Variants in FOCAD observed in about 807,000 individuals in gnomAD.
FOCAD encodes focadhesin, also known as KIAA1797.
In FOCAD, 198 loss-of-function variants were observed where a neutral mutation model predicts 225.6. The observed-to-expected ratio is 0.88, with a 90% confidence interval of 0.78 to 0.99. FOCAD has a LOEUF of 0.99. FOCAD is among the 50% of genes least tolerant of loss of function. The pLI is 0.00. For missense variants in FOCAD, 2,713 were observed against 2,123.6 expected (o/e 1.28, Z -5.46); for synonymous variants, 897 against 755.0 (o/e 1.19, Z -3.08).
At chr9:20,733,911 G>C (rs1438979147) in intron 4 of FOCAD, among the ~76,000 whole-genome samples, 1 of 152,144 alleles carries the variant, frequency 6.6e-6, no homozygotes. Flanking sequence ...TTAGGTTCGA[G>C]CATCACTTGA....
At chr9:20,745,984 C>T (rs928693057) in intron 5 of FOCAD, among the ~76,000 whole-genome samples, 30 of 152,038 alleles carry the variant, frequency 2.0e-4, no homozygotes, top group African/African-American at 6.8e-4. Flanking sequence ...GACTTAAAGA[C>T]GTGTATCCTA....
intron 41 of FOCAD, among the ~76,000 whole-genome samples, chr9:20,989,149 C>T (rs1475323212): frequency 3.9e-5 from 6 of 152,068 alleles, no homozygotes; most frequent in Non-Finnish European, 8.8e-5. Context: ...CATGAGTATT[C>T]TGTTTGCTGT....
chr9:20,788,066 C>G (rs1403721997), intron 10 of FOCAD, among the ~76,000 whole-genome samples: 1 of 152,054 alleles, frequency 6.6e-6, no homozygotes, highest in Non-Finnish European at 1.5e-5. Context: ...TGGAAACAAC[C>G]CAAATATCCA....
rs535772927 is a variant in FOCAD at position 20,980,412 on chromosome 9, A to G, written c.4378-1014A>G. Among the ~76,000 whole-genome samples the G allele has an allele frequency of 5.1e-4, 78 of 152,232 alleles. 2 individuals are homozygous for G. In the South Asian group the frequency reaches 0.013, roughly 25 times the overall value. The stretch of plus-strand genomic sequence containing the variant: ...TTGGGTTGGCCTTCGAAATTTTCCT[A>G]AATTTTACTTATCCTTTCATTTATC... On this transcript the variant is annotated intron_variant, in intron 37 of 43. Transcript: ENST00000338382.
intron 11 of FOCAD, among the ~76,000 whole-genome samples, chr9:20,799,276 C>A (rs1209619515): frequency 6.6e-6 from 1 of 152,150 alleles, no homozygotes; most frequent in African/African-American, 2.4e-5. Flanking sequence ...AGTATGTGGT[C>A]AATTTTGGAA....
intron 35 of FOCAD, among the ~76,000 whole-genome samples, chr9:20,959,992 A>G (rs1348274638): frequency 6.6e-6 from 1 of 152,174 alleles, no homozygotes; most frequent in African/African-American, 2.4e-5. Flanking sequence ...TTTTAATAGT[A>G]AGAAAAACTC....
intron 1 of FOCAD, among the ~76,000 whole-genome samples, chr9:20,702,180 G>C (rs1442652733): frequency 6.6e-6 from 1 of 152,062 alleles, no homozygotes; most frequent in Non-Finnish European, 1.5e-5. Context: ...ATAGCTCACT[G>C]TAGCCTTAAT....
chr9:20,795,490 C>T (rs1443012502), intron 11 of FOCAD, among the ~76,000 whole-genome samples: 1 of 152,146 alleles, frequency 6.6e-6, no homozygotes, highest in South Asian at 2.1e-4. Flanking sequence ...ATTAAGAAGA[C>T]ACAGCATGTT....
chr9:20,709,978 T>G (rs1489090901), intron 1 of FOCAD, among the ~76,000 whole-genome samples: 1 of 152,160 alleles, frequency 6.6e-6, no homozygotes, highest in Non-Finnish European at 1.5e-5. Context: ...ACTTCTATAA[T>G]AAGCTATTAG....
At chr9:20,981,752 A>G in intron 38 of FOCAD, 66 bp downstream of exon 38, 1 of 1,530,374 alleles carries the variant, frequency 6.5e-7, no homozygotes, top group African/African-American at 1.4e-5. Context: ...GCTTCTTGGC[A>G]AAGTGGGGAG....
intron 21 of FOCAD, among the ~76,000 whole-genome samples, chr9:20,906,882 G>A (rs1241915535): frequency 6.6e-6 from 1 of 152,042 alleles, no homozygotes; most frequent in East Asian, 1.9e-4. Flanking sequence ...TGTATTACAT[G>A]TACATTTTAA....
intron 42 of FOCAD, among the ~76,000 whole-genome samples, chr9:20,990,899 T>A (rs192363487): frequency 6.6e-6 from 1 of 152,216 alleles, no homozygotes; most frequent in African/African-American, 2.4e-5. Context: ...TGCACAGATA[T>A]GCTCCAGGCA....
intron 32 of FOCAD, among the ~76,000 whole-genome samples, chr9:20,949,311 G>A (rs1370603204): frequency 6.6e-6 from 1 of 151,986 alleles, no homozygotes; most frequent in Non-Finnish European, 1.5e-5. Context: ...TTTTCACAGT[G>A]GACATATATA....
chr9:20,917,395 T>A (rs6475486), intron 24 of FOCAD, among the ~76,000 whole-genome samples: 152,334 of 152,336 alleles, frequency 1, 76,166 homozygotes, highest in Non-Finnish European at 1. Flanking sequence ...AAGGCCCATT[T>A]AAAAAGCAGT....
intron 1 of FOCAD, among the ~76,000 whole-genome samples, chr9:20,689,116 G>A (rs1334009864): frequency 1.3e-5 from 2 of 152,184 alleles, no homozygotes; most frequent in Non-Finnish European, 2.9e-5. Context: ...TCTGGATGAA[G>A]TAAATATACA....
Position 20,821,472 on chromosome 9 carries a change from C to T in FOCAD, c.1793+401C>T, listed in dbSNP as rs142513516. 6.5e-3 allele frequency among the ~76,000 whole-genome samples: 990 copies of T among 151,770 alleles called. 10 individuals carry two copies. The highest frequency in any genetic ancestry group is 0.023 in the African/African-American group (963 of 41,390). ...GAGATAAGTAGTTTTAATGGGGAGA[C>T]CTTATTTTTGGAAATGGAATTATTT... On this transcript the variant is annotated intron_variant, in intron 14 of 43. Coordinates refer to ENST00000338382, the MANE Select transcript of FOCAD (RefSeq NM_001375567.1).
chr9:20,821,015 C>G lies in FOCAD; in HGVS notation c.1737C>G (p.Val579=), dbSNP rs938906226. The G allele has an allele frequency of 5.6e-6, 9 of 1,612,404 alleles. No homozygotes were observed. The highest frequency in any genetic ancestry group is 1.3e-5 in the African/African-American group (1 of 74,778). Residue 579 remains valine (V), a synonymous_variant, in exon 14 of 44, where the codon GTC becomes GTG. Transcript: ENST00000338382. ...CTTCTCTTTCGGTGGGCAAGGAAGT[C>G]CAATGGGAGAAACTGATTGCAAAAG... The part of the protein sequence containing the change: ...DVPSLSVGKE[V]QWEKLIAKAA...
At chr9:20,721,663 C>G (rs1380941058) in intron 4 of FOCAD, among the ~76,000 whole-genome samples, 2 of 152,120 alleles carry the variant, frequency 1.3e-5, no homozygotes, top group Non-Finnish European at 2.9e-5. Flanking sequence ...GATTACACCA[C>G]TGCACTCCAG....
chr9:20,893,733 A>G (rs981325926), intron 21 of FOCAD, among the ~76,000 whole-genome samples: 7 of 152,088 alleles, frequency 4.6e-5, no homozygotes, highest in African/African-American at 1.7e-4. Flanking sequence ...TTAGGTTCAC[A>G]GCAAAATTGA....
Sources: gnomAD v4.1 joint callset for allele counts (sites outside exome capture counted in the v4.1 genomes callset) on GRCh38, gnomAD v4.1.1 for gene constraint, MANE v1.5 for transcripts, NCBI Gene and HGNC (gene_info 2026-07-23, HGNC 2026-07-21) for gene names.